PBX1: variants seen among roughly 807,000 people sequenced by gnomAD.
PBX1 encodes the protein PBX homeobox 1.
Under a neutral mutation model 53.4 loss-of-function variants are expected in PBX1, and 6 were observed. The ratio of observed to expected loss-of-function variants is 0.11; its 90% confidence interval spans 0.06 to 0.22. The LOEUF (loss-of-function observed/expected upper bound fraction) is 0.22. Among genes scored for constraint, PBX1 ranks in the 10% least tolerant of loss-of-function variants. The pLI, the probability that PBX1 is intolerant of heterozygous loss-of-function variation, is 1.00. For synonymous variants in PBX1, 204 were observed against 212.3 expected (o/e 0.96, Z 0.34); for missense variants, 251 against 551.4 (o/e 0.46, Z 5.46).
intron 2 of PBX1, among the ~76,000 whole-genome samples, chr1:164,859,369 A>G (rs1276965405): frequency 6.6e-6 from 1 of 152,182 alleles, no homozygotes; most frequent in Non-Finnish European, 1.5e-5. Context: ...ATTTGGTTTC[A>G]GAGAACAAGA....
chr1:164,670,493 T>C (rs1013176932), intron 2 of PBX1, among the ~76,000 whole-genome samples: 2 of 152,154 alleles, frequency 1.3e-5, no homozygotes, highest in South Asian at 2.1e-4. Flanking sequence ...TTAGGGGAAA[T>C]CCACCTATAG....
At chr1:164,635,911 T>C (rs1204046260) in intron 2 of PBX1, among the ~76,000 whole-genome samples, 3 of 152,218 alleles carry the variant, frequency 2.0e-5, no homozygotes, top group Non-Finnish European at 4.4e-5. Flanking sequence ...GATGTCTTGG[T>C]GTACCTTATT....
chr1:164,742,758 G>C (rs1377425638), intron 2 of PBX1, among the ~76,000 whole-genome samples: 2 of 152,094 alleles, frequency 1.3e-5, no homozygotes, highest in African/African-American at 4.8e-5. Flanking sequence ...GCGGCTGCTT[G>C]ACCCAAAAAA....
intron 2 of PBX1, among the ~76,000 whole-genome samples, chr1:164,763,935 T>G (rs1010036914): frequency 2.0e-5 from 3 of 152,218 alleles, no homozygotes; most frequent in African/African-American, 7.2e-5. Flanking sequence ...TGGTGTTACT[T>G]CCTACTTAAA....
At chr1:164,620,694 T>TTTTC (rs1557896159) in intron 2 of PBX1, among the ~76,000 whole-genome samples, 50 of 152,010 alleles carry the variant, frequency 3.3e-4, no homozygotes, top group Admixed American at 2.3e-3. Context: ...CTTTTCTTTT[T>TTTTC]TTTTTTGTGA....
At chr1:164,866,288 T>A (rs754716530) in intron 2 of PBX1, among the ~76,000 whole-genome samples, 1 of 152,236 alleles carries the variant, frequency 6.6e-6, no homozygotes, top group Non-Finnish European at 1.5e-5. Context: ...ACACTGGATA[T>A]CTTCACGCTT....
chr1:164,836,529 T>G (rs566175069), intron 8 of PBX1, among the ~76,000 whole-genome samples: 22 of 152,360 alleles, frequency 1.4e-4, no homozygotes, highest in African/African-American at 4.8e-4. Context: ...TTTCAAGCTC[T>G]TGTTTTCATT....
chr1:164,583,794 T>A (rs1230039967), intron 2 of PBX1, among the ~76,000 whole-genome samples: 1 of 152,198 alleles, frequency 6.6e-6, no homozygotes, highest in Non-Finnish European at 1.5e-5. Context: ...ATTTGCCAGG[T>A]ACTTCTATGG....
At position 164,618,297 on chromosome 1, in the gene PBX1, CGGGGG is replaced by C. The variant is rs141131624; in HGVS notation, c.265+54995_265+54999del. On this transcript the variant is annotated intron_variant, in intron 2 of 8. Coordinates refer to ENST00000420696, the MANE Select transcript of PBX1 (RefSeq NM_002585.4). ...CTTACCCCAGGGAGAATAATCACGG[CGGGGG>C]GGGGGGGGCACTCAAGATGATCAGC... 6.5e-3 allele frequency among the ~76,000 whole-genome samples: 117 copies of C among 18,108 alleles called. 1 individual carries two copies. Among genetic ancestry groups the C allele is most frequent in the Middle Eastern group, 0.056 (1 of 18 alleles). The allele number at this position is 18,108 out of a possible 152,430, so 11.9% of individuals were successfully genotyped here.
intron 2 of PBX1, among the ~76,000 whole-genome samples, chr1:164,717,510 C>A (rs74118001): frequency 6.6e-6 from 1 of 152,080 alleles, no homozygotes; most frequent in Non-Finnish European, 1.5e-5. Flanking sequence ...ATAAATAATG[C>A]AGCTAAAAAT....
intron 8 of PBX1, among the ~76,000 whole-genome samples, chr1:164,842,823 T>C (rs550782735): frequency 2.9e-4 from 44 of 152,290 alleles, no homozygotes; most frequent in African/African-American, 8.9e-4. Flanking sequence ...GTGTTCATTA[T>C]AAAGAATTGT....
At chr1:164,777,760 T>C (rs923363825) in intron 2 of PBX1, among the ~76,000 whole-genome samples, 6 of 152,230 alleles carry the variant, frequency 3.9e-5, no homozygotes, top group Non-Finnish European at 7.3e-5. Context: ...TGTTTGAATG[T>C]TTACCTAAAG....
At chr1:164,612,784 G>A (rs1657022615) in intron 2 of PBX1, among the ~76,000 whole-genome samples, 1 of 152,152 alleles carries the variant, frequency 6.6e-6, no homozygotes, top group Non-Finnish European at 1.5e-5. Context: ...AGGTGACTGA[G>A]TTGCTGGTGT....
At chr1:164,765,988 T>A (rs1200769710) in intron 2 of PBX1, among the ~76,000 whole-genome samples, 3 of 152,112 alleles carry the variant, frequency 2.0e-5, no homozygotes, top group African/African-American at 7.2e-5. Flanking sequence ...TAAATGCCGT[T>A]GGGGGAAAAA....
At chr1:164,594,280 T>A (rs993509054) in intron 2 of PBX1, among the ~76,000 whole-genome samples, 5 of 152,132 alleles carry the variant, frequency 3.3e-5, no homozygotes, top group African/African-American at 1.2e-4. Context: ...AGTACAGCAC[T>A]GAGAAAAAGA....
chr1:164,875,394 T>C (rs1186365418), intron 2 of PBX1, among the ~76,000 whole-genome samples: 1 of 152,066 alleles, frequency 6.6e-6, no homozygotes, highest in Admixed American at 6.6e-5. Flanking sequence ...CCTTGACCTC[T>C]TGGGCTCAAG....
chr1:164,867,990 C>T (rs1396098276), intron 2 of PBX1, among the ~76,000 whole-genome samples: 1 of 152,204 alleles, frequency 6.6e-6, no homozygotes, highest in Non-Finnish European at 1.5e-5. Flanking sequence ...TATCACAGAG[C>T]TCCCAGCTGT....
Position 164,876,221 on chromosome 1 carries a change from A to T in PBX1, n.258-22967A>T, listed in dbSNP as rs368737586. 1.7e-3 allele frequency among the ~76,000 whole-genome samples: 258 copies of T among 152,144 alleles called. 1 individual carries two copies. Among genetic ancestry groups the T allele is most frequent in the African/African-American group, 6.0e-3 (250 of 41,508 alleles). Reference sequence around the variant, plus strand: ...TAAATAATCATAATAATATAGTAGTATGCTGATCTTGATAAACAGGTTGGC... The same window carrying T: ...TAAATAATCATAATAATATAGTAGTTTGCTGATCTTGATAAACAGGTTGGC... On this transcript the variant is annotated intron_variant and non_coding_transcript_variant, in intron 2 of 2. Coordinates refer to the PBX1 transcript ENST00000558796.
intron 2 of PBX1, among the ~76,000 whole-genome samples, chr1:164,731,559 G>C (rs1664986120): frequency 1.3e-5 from 2 of 152,126 alleles, no homozygotes; most frequent in African/African-American, 4.8e-5. Flanking sequence ...GGGTTACTGG[G>C]AAATGCAAAC....
Sources: gnomAD v4.1 joint callset for allele counts (sites outside exome capture counted in the v4.1 genomes callset) on GRCh38, gnomAD v4.1.1 for gene constraint, MANE v1.5 for transcripts, NCBI Gene and HGNC (gene_info 2026-07-23, HGNC 2026-07-21) for gene names.